SKP2: variants seen among roughly 807,000 people sequenced by gnomAD.
The protein encoded by SKP2 is S-phase kinase-associated protein 2.
In SKP2, 16 loss-of-function variants were observed where a neutral mutation model predicts 51.8. The observed-to-expected ratio is 0.31, with a 90% CI of 0.21 to 0.47. The LOEUF (loss-of-function observed/expected upper bound fraction) is 0.47. SKP2 is among the 20% of genes least tolerant of loss of function. The probability of loss-of-function intolerance (pLI) is 1.00; values close to 1 mark genes in which losing one functional copy is unlikely to be tolerated. For synonymous variants in SKP2, 176 were observed against 198.6 expected, an observed-to-expected ratio of 0.89 and a Z score of 0.96; for missense variants, 377 against 505.3, an observed-to-expected ratio of 0.75 and a Z score of 2.43.
intron 7 of SKP2, among the ~76,000 whole-genome samples, chr5:36,176,157 G>T (rs1745626221): frequency 6.6e-6 from 1 of 151,706 alleles, no homozygotes; most frequent in African/African-American, 2.4e-5. Context: ...ATTTTATTTG[G>T]TATTTCTTGC....
chr5:36,184,759 C>T (rs1437185141), downstream of SKP2, among the ~76,000 whole-genome samples: 1 of 152,130 alleles, frequency 6.6e-6, no homozygotes, highest in Non-Finnish European at 1.5e-5. Flanking sequence ...ATGATTTATA[C>T]TCCTTTGGGT....
chr5:36,184,569 A>G (rs1195533086), downstream of SKP2, among the ~76,000 whole-genome samples: 1 of 152,124 alleles, frequency 6.6e-6, no homozygotes, highest in Non-Finnish European at 1.5e-5. Context: ...AGCTTCATCC[A>G]TGTCCCTACA....
At position 36,152,161 on chromosome 5, in the gene SKP2, G is replaced by A. The variant is rs965392232; in HGVS notation, c.-102G>A. On this transcript the variant is annotated 5_prime_UTR_variant, in exon 1 of 10. Transcript: ENST00000274255. ...TAGCGGGTCTGGCTGCTGGGGGCCC[G>A]AGCAGCACGCTCGGAGCCGCCGCGC... 5.6e-5 allele frequency: 71 copies of A among 1,257,512 alleles called. 1 individual carries two copies. Among genetic ancestry groups the A allele is most frequent in the Non-Finnish European group, 3.8e-5 (33 of 858,164 alleles). 77.9% of individuals were successfully genotyped at this position (1,257,512 alleles called of 1,614,324 possible). A position where few individuals can be genotyped will look rare whatever the true frequency, so the allele number is the denominator to read the frequency against.
chr5:36,183,187 G>T lies in SKP2; in HGVS notation c.*1156G>T. 11 of 974,534 alleles carry T rather than the reference G, an allele frequency of 1.1e-5. No individual in the cohort carries two copies. The highest frequency in any genetic ancestry group is 1.3e-5 in the Non-Finnish European group (11 of 820,086). The allele number at this position is 974,534 out of a possible 1,614,324, so 60.4% of individuals were successfully genotyped here. ...CCTACATAAGAGTTAAAATCCAGAT[G>T]TGGGACCTTTTGATACCATCAGTGA... On this transcript the variant is annotated 3_prime_UTR_variant, in exon 10 of 10. Transcript: ENST00000274255.
At position 36,152,167 on chromosome 5, in the gene SKP2, C is replaced by G. The variant is rs115360625; in HGVS notation, c.-96C>G. On this transcript the variant is annotated 5_prime_UTR_variant, in exon 1 of 10. Transcript: ENST00000274255. ...GTCTGGCTGCTGGGGGCCCGAGCAG[C>G]ACGCTCGGAGCCGCCGCGCGCCAAA... 1 of 1,334,276 alleles carries G rather than the reference C, an allele frequency of 7.5e-7. No individual in the cohort carries two copies. Among genetic ancestry groups the G allele is most frequent in the African/African-American group, 1.4e-5 (1 of 69,582 alleles). The allele number at this position is 1,334,276 out of a possible 1,614,324, so 82.7% of individuals were successfully genotyped here.
chr5:36,159,813 A>G (rs1179833302), intron 2 of SKP2, among the ~76,000 whole-genome samples: 1 of 152,192 alleles, frequency 6.6e-6, no homozygotes, highest in East Asian at 1.9e-4. Flanking sequence ...ACTTGAAGTC[A>G]GAGCTTCAGA....
chr5:36,182,900 A>G lies in SKP2; in HGVS notation c.*869A>G, dbSNP rs1231754122. On this transcript the variant is annotated 3_prime_UTR_variant, in exon 10 of 10. Transcript: ENST00000274255. ...CCACTCTCTATTCTTGAAAATTTGG[A>G]TGGGAGAATTCTGAAGTTGCCTGCT... The G allele has an allele frequency of 2.2e-5, 22 of 984,540 alleles. No individual in the cohort carries two copies. Among genetic ancestry groups the G allele is most frequent in the Non-Finnish European group, 2.4e-5 (20 of 829,258 alleles). 61.0% of individuals were successfully genotyped at this position (984,540 alleles called of 1,614,324 possible).
intron 7 of SKP2, among the ~76,000 whole-genome samples, chr5:36,173,250 C>T (rs184496233): frequency 1.3e-5 from 2 of 152,224 alleles, no homozygotes; most frequent in African/African-American, 4.8e-5. Flanking sequence ...CCCAGTTTTT[C>T]TCTCCTATAA....
In SKP2 at chr5:36,181,886, A is replaced by T; in HGVS notation, c.1130A>T (p.Gln377Leu). 1 of 1,614,156 alleles carries T rather than the reference A, an allele frequency of 6.2e-7. No individual in the cohort carries two copies. The highest frequency in any genetic ancestry group is 1.1e-5 in the South Asian group (1 of 91,082). ...VFGIVPDGTL[Q>L]LLKEALPHLQ... ...GGAATCGTGCCAGATGGTACCCTTC[A>T]ACTGTTAAAGGAAGCCCTTCCTCAT... The change falls in exon 10 of 10, where the codon CAA becomes CTA. Residue 377 changes from glutamine (Q) to leucine (L), a missense_variant. This residue lies in a region of SKP2 where 262 missense variants were observed against 389.8 expected (regional missense o/e 0.67). Coordinates refer to ENST00000274255, the MANE Select transcript of SKP2 (RefSeq NM_005983.4).
At chr5:36,152,750 G>T (rs370401193) in intron 1 of SKP2, 21 bp from the exon 2 acceptor site, 2 of 1,607,440 alleles carry the variant, frequency 1.2e-6, no homozygotes, top group Non-Finnish European at 1.7e-6. Context: ...AAGGAACCGG[G>T]GGTATTGTGC....
chr5:36,189,493 G>C (rs892993842), intron 6 of SKP2, among the ~76,000 whole-genome samples: 4 of 152,188 alleles, frequency 2.6e-5, no homozygotes, highest in African/African-American at 7.2e-5. Flanking sequence ...CACTCCAGAC[G>C]CTGTTTGCCT....
intron 9 of SKP2, among the ~76,000 whole-genome samples, chr5:36,179,871 A>G (rs1263253268): frequency 6.6e-6 from 1 of 150,972 alleles, no homozygotes; most frequent in Admixed American, 6.6e-5. Flanking sequence ...AGATGCTTGC[A>G]AATTTTTTAT....
At chr5:36,173,939 C>T (rs1438950765) in intron 7 of SKP2, among the ~76,000 whole-genome samples, 1 of 152,082 alleles carries the variant, frequency 6.6e-6, no homozygotes, top group African/African-American at 2.4e-5. Flanking sequence ...CTAAACTTGC[C>T]TGTTCCTTAG....
At position 36,182,481 on chromosome 5, in the gene SKP2, T is replaced by C. The variant is rs141626615; in HGVS notation, c.*450T>C. Reference sequence around the variant, plus strand: ...ACAATAAGCTATTTGTATTATGAGCTGAACAAAAAGAGAATCATAGGATAG... The same window carrying C: ...ACAATAAGCTATTTGTATTATGAGCCGAACAAAAAGAGAATCATAGGATAG... On this transcript the variant is annotated 3_prime_UTR_variant, in exon 10 of 10. Coordinates refer to ENST00000274255, the MANE Select transcript of SKP2 (RefSeq NM_005983.4). 3.9e-4 allele frequency: 381 copies of C among 988,410 alleles called. 6 individuals are homozygous for C. In the Admixed American group the frequency reaches 0.019, roughly 50 times the overall value. The allele number at this position is 988,410 out of a possible 1,614,324, so 61.2% of individuals were successfully genotyped here. A position where few individuals can be genotyped will look rare whatever the true frequency, so the allele number is the denominator to read the frequency against.
At chr5:36,189,419 T>C (rs1219971073) in intron 6 of SKP2, among the ~76,000 whole-genome samples, 1 of 152,254 alleles carries the variant, frequency 6.6e-6, no homozygotes, top group Non-Finnish European at 1.5e-5. Flanking sequence ...ATGTCCTTTC[T>C]GTTAGTGTTC....
downstream of SKP2, among the ~76,000 whole-genome samples, chr5:36,189,238 CTCCATCCAGCTTTG>C (rs1745983080): frequency 6.6e-6 from 1 of 152,244 alleles, no homozygotes; most frequent in South Asian, 2.1e-4. Context: ...CAAAGTCTTT[CTCCATCCAGCTTTG>C]TCCATTGCTG....
rs1745904601 is a variant in SKP2 at position 36,184,061 on chromosome 5, T to G, written c.*2030T>G. ...CTTAAACTAAGTTGTATTCCTTTTT[T>G]CTTTCTCTTTTTTTAAGTGCTGTGG... On this transcript the variant is annotated 3_prime_UTR_variant, in exon 10 of 10. Coordinates refer to ENST00000274255, the MANE Select transcript of SKP2 (RefSeq NM_005983.4). 1 of 995,526 alleles carries G rather than the reference T, an allele frequency of 1.0e-6. No homozygotes were observed. The highest frequency in any genetic ancestry group is 1.5e-6 in the Non-Finnish European group (1 of 671,482). The allele number at this position is 995,526 out of a possible 1,614,324, so 61.7% of individuals were successfully genotyped here. A position where few individuals can be genotyped will look rare whatever the true frequency, so the allele number is the denominator to read the frequency against.
downstream of SKP2, among the ~76,000 whole-genome samples, chr5:36,187,150 G>T (rs2432204): frequency 0.34 from 51,015 of 151,634 alleles, 8,773 homozygotes; most frequent in South Asian, 0.44. Context: ...TCTTGCTAGC[G>T]GTCTATCAAT....
chr5:36,178,780 C>T (rs1745713149), intron 9 of SKP2, among the ~76,000 whole-genome samples: 1 of 151,892 alleles, frequency 6.6e-6, no homozygotes, highest in African/African-American at 2.4e-5. Flanking sequence ...TGCTTTTGTT[C>T]CTTCTCTGCA....
Sources: gnomAD v4.1 joint callset for allele counts (sites outside exome capture counted in the v4.1 genomes callset) on GRCh38, gnomAD v4.1.1 for gene constraint, gnomAD v4.1.1 regional missense constraint, MANE v1.5 for transcripts, NCBI Gene and HGNC (gene_info 2026-07-23, HGNC 2026-07-21) for gene names.